Variants in ARL10 observed in about 807,000 individuals in gnomAD.
ARL10 encodes the protein ADP-ribosylation factor-like protein 10.
In ARL10, 23 loss-of-function variants were observed where a neutral mutation model predicts 26.1. The observed-to-expected ratio is 0.88, with a 90% CI of 0.63 to 1.25. ARL10 has a LOEUF of 1.25. Ranked by LOEUF, ARL10 falls within the 50% of genes most tolerant of loss-of-function variation. The pLI, the probability that ARL10 is intolerant of heterozygous loss-of-function variation, is 0.00. For missense variants in ARL10, 300 were observed against 323.6 expected (o/e 0.93, Z 0.56); for synonymous variants, 138 against 149.1 (o/e 0.93, Z 0.54).
chr5:176,385,129 C>T (rs112572961), downstream of ARL10: 150 of 791,190 alleles, frequency 1.9e-4, no homozygotes, highest in African/African-American at 2.0e-3. Flanking sequence ...TCTTTGCACT[C>T]GGTTTCAGGA....
intron 3 of ARL10, among the ~76,000 whole-genome samples, chr5:176,370,372 A>C (rs748703340): frequency 3.3e-5 from 5 of 152,120 alleles, no homozygotes; most frequent in Non-Finnish European, 5.9e-5. Flanking sequence ...TCCCATTCTC[A>C]ATATCAGGTG....
chr5:176,407,037 T>C, the ARL10 span, among the ~76,000 whole-genome samples: 1 of 152,190 alleles, frequency 6.6e-6, no homozygotes, highest in Non-Finnish European at 1.5e-5. Context: ...TGTGATATGA[T>C]TTACAAATAA....
rs1232204243 is a variant in ARL10, at chr5:176,377,854, CA to C, written c.*5960del. On this transcript the variant is annotated 3_prime_UTR_variant, in exon 4 of 4. Transcript: ENST00000310389. This position sits in a 1 kb window ranked among gnomAD's most constrained non-coding sequence, Gnocchi z 4.5. ...CATGGCTCACTACAACCTCCACCTC[CA>C]GAGATCAAGCAGTCCTCCCACCTCA... is the stretch of plus-strand genomic sequence containing the variant. The C allele has an allele frequency of 6.6e-6, 1 of 152,224 alleles. No homozygotes were observed. The highest frequency in any genetic ancestry group is 1.9e-4 in the East Asian group (1 of 5,196). The allele number at this position is 152,224 out of a possible 1,614,324, so 9.4% of individuals were successfully genotyped here. A position where few individuals can be genotyped will look rare whatever the true frequency, so the allele number is the denominator to read the frequency against.
At chr5:176,388,985 C>T (rs1756137170), downstream of ARL10, 3 of 1,613,488 alleles carry the variant, frequency 1.9e-6, no homozygotes, top group East Asian at 4.5e-5. Flanking sequence ...TAAGTGGGTG[C>T]GGTAGGAACT....
chr5:176,406,018 G>T, downstream of ARL10: 1 of 386,986 alleles, frequency 2.6e-6, no homozygotes, highest in Non-Finnish European at 3.5e-6. Flanking sequence ...CAGTGGTGCT[G>T]CTGGCAGGCA....
intron 1 of ARL10, among the ~76,000 whole-genome samples, chr5:176,399,280 A>G (rs1756697760): frequency 6.6e-6 from 1 of 152,220 alleles, no homozygotes; most frequent in African/African-American, 2.4e-5. Context: ...TGTTGAGTAG[A>G]GAAGCATCCC....
chr5:176,408,044 G>C, the ARL10 span, among the ~76,000 whole-genome samples: 1 of 152,164 alleles, frequency 6.6e-6, no homozygotes, highest in Non-Finnish European at 1.5e-5. Context: ...TGAAGGCTCT[G>C]AGGGGAGGTT....
At chr5:176,397,602 C>G (rs993553375) in intron 1 of ARL10, 1 of 1,601,450 alleles carries the variant, frequency 6.2e-7, no homozygotes, top group Non-Finnish European at 8.5e-7. Context: ...CTACAGCCCT[C>G]TCACCGGTTG....
Position 176,399,195 on chromosome 5 carries a change from C to A in ARL10, c.134-2546C>A, listed in dbSNP as rs142230825. Among the ~76,000 whole-genome samples the A allele has an allele frequency of 5.1e-4, 78 of 152,240 alleles. 1 individual carries two copies. The East Asian group carries it at 0.014, about 28-fold the overall frequency. On this transcript the variant is annotated intron_variant, in intron 1 of 1. Transcript: ENST00000514533. ...TTGTCTGTCTCTGCCATCAGAATGT[C>A]ATCTCTGTCCTTTTCACTGCTATGT...
chr5:176,392,742 C>T (rs768545653), downstream of ARL10: 9 of 1,611,196 alleles, frequency 5.6e-6, no homozygotes, highest in Non-Finnish European at 7.6e-6. This position sits in a 1 kb window ranked among gnomAD's most constrained non-coding sequence, Gnocchi z 5.2. Flanking sequence ...CAGGCCCAGC[C>T]CATGCTCTGT....
Position 176,368,006 on chromosome 5 carries a change from A to G in ARL10, c.386-801A>G. On this transcript the variant is annotated intron_variant, in intron 2 of 3. Coordinates refer to ENST00000310389, the MANE Select transcript of ARL10 (RefSeq NM_173664.6). This position sits in a 1 kb window ranked among gnomAD's most constrained non-coding sequence, Gnocchi z 4.1. Reference sequence around the variant, plus strand: ...AGTAAATATTTGTTGAGTGCCTGCTATGTGCCAGGCATTGTGCTGAGGGCT... The same window carrying G: ...AGTAAATATTTGTTGAGTGCCTGCTGTGTGCCAGGCATTGTGCTGAGGGCT... 1.9e-6 allele frequency: 1 copy of G among 526,134 alleles called. No homozygotes were observed. The highest frequency in any genetic ancestry group is 3.8e-6 in the Non-Finnish European group (1 of 259,752). The allele number at this position is 526,134 out of a possible 1,614,324, so 32.6% of individuals were successfully genotyped here. A position where few individuals can be genotyped will look rare whatever the true frequency, so the allele number is the denominator to read the frequency against.
At position 176,374,335 on chromosome 5, in the gene ARL10, C is replaced by T. The variant is rs1439086811; in HGVS notation, c.*2440C>T. ...ACACTACCTTCTGTCACTATTTGAC[C>T]TCATTATGGAACTCACAGTTTACAA... On this transcript the variant is annotated 3_prime_UTR_variant, in exon 4 of 4. Transcript: ENST00000310389. 6.6e-6 allele frequency: 1 copy of T among 152,190 alleles called. No individual in the cohort carries two copies. The highest frequency in any genetic ancestry group is 2.4e-5 in the African/African-American group (1 of 41,432). The allele number at this position is 152,190 out of a possible 1,614,324, so 9.4% of individuals were successfully genotyped here. A position where few individuals can be genotyped will look rare whatever the true frequency, so the allele number is the denominator to read the frequency against.
chr5:176,398,135 G>A (rs761564084), intron 1 of ARL10: 35 of 1,222,430 alleles, frequency 2.9e-5, no homozygotes, highest in Non-Finnish European at 7.2e-6. Context: ...CTCATGTCTG[G>A]ATAACTCAGC....
downstream of ARL10, chr5:176,406,621 A>G (rs1286119312): frequency 2.3e-6 from 3 of 1,289,290 alleles, no homozygotes; most frequent in Non-Finnish European, 3.0e-6. Context: ...TGGCTGTGCC[A>G]AATGGAACTG....
downstream of ARL10, among the ~76,000 whole-genome samples, chr5:176,392,071 C>G (rs1368682336): frequency 6.6e-6 from 1 of 152,162 alleles, no homozygotes; most frequent in East Asian, 1.9e-4. This position sits in a 1 kb window ranked among gnomAD's most constrained non-coding sequence, Gnocchi z 5.2. Flanking sequence ...GGGCAGTGGA[C>G]CCTCCACATC....
downstream of ARL10, among the ~76,000 whole-genome samples, chr5:176,403,045 C>T (rs1473762805): frequency 6.7e-6 from 1 of 148,608 alleles, no homozygotes; most frequent in Non-Finnish European, 1.5e-5. Flanking sequence ...TAAAGCCTGC[C>T]CTAATTTTTT....
chr5:176,412,027 T>C, the ARL10 span, among the ~76,000 whole-genome samples: 1 of 151,764 alleles, frequency 6.6e-6, no homozygotes, highest in Non-Finnish European at 1.5e-5. Flanking sequence ...ATACAAAAAA[T>C]TAGCCAGGCG....
intron 1 of ARL10, chr5:176,396,675 G>A: frequency 1.4e-6 from 1 of 713,806 alleles, no homozygotes; most frequent in South Asian, 1.5e-5. Flanking sequence ...GTTCTGGAAG[G>A]CTCAGCAACG....
At chr5:176,406,655 C>T (rs1338112858), downstream of ARL10, 1 of 1,289,384 alleles carries the variant, frequency 7.8e-7, no homozygotes, top group Non-Finnish European at 1.0e-6. Flanking sequence ...CAGGCTCGTC[C>T]TTAGGCTGTA....
Sources: allele counts gnomAD v4.1 joint callset (sites outside exome capture counted in the v4.1 genomes callset), GRCh38; gene constraint gnomAD v4.1.1; non-coding constraint Gnocchi (gnomAD v3.1); transcripts MANE v1.5; gene names NCBI Gene and HGNC (gene_info 2026-07-23, HGNC 2026-07-21).